DYNC2I1: variants seen among roughly 807,000 people sequenced by gnomAD.
DYNC2I1 encodes the protein cytoplasmic dynein 2 intermediate chain 1.
A neutral mutation model predicts 133.4 loss-of-function variants in DYNC2I1; 89 were observed. The ratio of observed to expected loss-of-function variants is 0.67; its 90% CI spans 0.56 to 0.80. The LOEUF (loss-of-function observed/expected upper bound fraction) is 0.80, where lower values mean the gene tolerates loss of function less well. Among genes scored for constraint, DYNC2I1 ranks in the 30% least tolerant of loss-of-function variants. The pLI, the probability that DYNC2I1 is intolerant of heterozygous loss-of-function variation, is 0.00. For missense variants in DYNC2I1, 1,291 were observed against 1,314.5 expected (o/e 0.98, Z 0.28); for synonymous variants, 504 against 484.3 (o/e 1.04, Z -0.54).
chr7:158,909,330 C>CAAAAAAAA (rs66565045), intron 11 of DYNC2I1, among the ~76,000 whole-genome samples: 2 of 46,740 alleles, frequency 4.3e-5, no homozygotes, highest in Non-Finnish European at 9.8e-5. Context: ...GACTCTGTCT[C>CAAAAAAAA]AAAAAAAAAA....
intron 4 of DYNC2I1, among the ~76,000 whole-genome samples, chr7:158,952,642 C>T (rs1852087120): frequency 6.6e-6 from 1 of 151,236 alleles, no homozygotes; most frequent in Non-Finnish European, 1.5e-5. Flanking sequence ...CCCCCAGCCG[C>T]ATCATAAGAC....
chr7:158,899,927 A>G (rs1330872835), intron 8 of DYNC2I1, among the ~76,000 whole-genome samples: 1 of 152,188 alleles, frequency 6.6e-6, no homozygotes, highest in East Asian at 1.9e-4. Context: ...GTTGCTTGCA[A>G]GACAGGTCTA....
intron 4 of DYNC2I1, among the ~76,000 whole-genome samples, chr7:158,951,355 T>A (rs1314135965): frequency 6.6e-6 from 1 of 152,192 alleles, no homozygotes; most frequent in Non-Finnish European, 1.5e-5. Context: ...TCCTGGCAGG[T>A]CCCTGGGCGA....
chr7:158,904,456 A>G (rs191007575), intron 10 of DYNC2I1: 2 of 152,334 alleles, frequency 1.3e-5, no homozygotes, highest in African/African-American at 4.8e-5. Context: ...AAGTTACACC[A>G]TGGCGTTTGA....
At chr7:158,922,286 T>G (rs1849177297) in intron 15 of DYNC2I1, 91 bp from the exon 16 acceptor site, 2 of 1,345,642 alleles carry the variant, frequency 1.5e-6, no homozygotes, top group African/African-American at 2.9e-5. Context: ...TTCATGAAGC[T>G]GAATTTTTTT....
chr7:158,945,647 G>A lies in DYNC2I1; in HGVS notation c.3069G>A (p.Leu1023=). The A allele has an allele frequency of 1.1e-5, 17 of 1,612,112 alleles. No homozygotes were observed. The highest frequency in any genetic ancestry group is 1.4e-5 in the Non-Finnish European group (17 of 1,179,242). The change falls in exon 25 of 25, where the codon CTG becomes CTA. Residue 1023 remains leucine (L), a synonymous_variant. Transcript: ENST00000407559. The surrounding 1 kb of genome is among the most constrained non-coding windows in gnomAD (Gnocchi z 4.1). ...KAGGSFLALV[L]ARASGSIDIQ... ...GTGGCAGCTTCCTGGCCCTGGTGCT[G>A]GCCAGGGCGTCTGGCTCCATCGACA...
intron 4 of DYNC2I1, among the ~76,000 whole-genome samples, chr7:158,876,895 T>C (rs752131616): frequency 9.2e-5 from 14 of 152,228 alleles, no homozygotes; most frequent in South Asian, 2.1e-4. Context: ...TATGTGATGA[T>C]ATTAGAAAAT....
At chr7:158,889,180 A>T (rs1048095889) in intron 7 of DYNC2I1, among the ~76,000 whole-genome samples, 2 of 148,874 alleles carry the variant, frequency 1.3e-5, no homozygotes, top group African/African-American at 2.5e-5. Context: ...TCCCGGGTTC[A>T]CGCCATTCTC....
chr7:158,915,880 CGCT>C (rs1563163354), intron 14 of DYNC2I1, among the ~76,000 whole-genome samples: 4 of 138,784 alleles, frequency 2.9e-5, no homozygotes, highest in African/African-American at 1.1e-4. Context: ...AACGTCGACA[CGCT>C]GGTTGAGATT....
intron 1 of DYNC2I1, 123 bp downstream of exon 1, chr7:158,856,873 C>T (rs911292546): frequency 2.7e-6 from 3 of 1,119,822 alleles, no homozygotes; most frequent in Non-Finnish European, 3.4e-6. Context: ...GCCGGGGCTT[C>T]CCGGAGGAGC....
intron 5 of DYNC2I1, among the ~76,000 whole-genome samples, chr7:158,883,382 A>AT (rs201088546): frequency 0.15 from 20,383 of 134,652 alleles, 1,651 homozygotes; most frequent in Middle Eastern, 0.24. Flanking sequence ...GCTTATTATT[A>AT]TTTTTTTTTT....
chr7:158,952,820 G>A (rs1852096137), intron 4 of DYNC2I1, among the ~76,000 whole-genome samples: 1 of 145,022 alleles, frequency 6.9e-6, no homozygotes, highest in Admixed American at 7.1e-5. Context: ...TGCACAGCGT[G>A]GGCTCAGCCT....
chr7:158,864,165 G>A (rs1296569230), intron 1 of DYNC2I1, among the ~76,000 whole-genome samples: 2 of 152,032 alleles, frequency 1.3e-5, no homozygotes, highest in African/African-American at 2.4e-5. Flanking sequence ...GGCGGGGAAT[G>A]AGACGTGACC....
At chr7:158,865,935 A>G (rs1257436368) in intron 1 of DYNC2I1, among the ~76,000 whole-genome samples, 2 of 152,160 alleles carry the variant, frequency 1.3e-5, no homozygotes, top group Non-Finnish European at 2.9e-5. Flanking sequence ...TAAACAGTCC[A>G]TATTAGCTGA....
At chr7:158,864,129 G>A (rs1282227500) in intron 1 of DYNC2I1, among the ~76,000 whole-genome samples, 1 of 146,484 alleles carries the variant, frequency 6.8e-6, no homozygotes, top group Non-Finnish European at 1.5e-5. Flanking sequence ...GTGGGGGGGG[G>A]AGCAGACGTT....
chr7:158,934,019 C>T (rs1850491737), intron 21 of DYNC2I1, 110 bp from the exon 22 acceptor site: 1 of 732,690 alleles, frequency 1.4e-6, no homozygotes, highest in African/African-American at 1.8e-5. Flanking sequence ...AGGAATGTGA[C>T]ATGGCCTGTT....
chr7:158,918,335 C>T (rs1585164273), intron 14 of DYNC2I1, among the ~76,000 whole-genome samples: 1 of 152,314 alleles, frequency 6.6e-6, no homozygotes, highest in Non-Finnish European at 1.5e-5. Flanking sequence ...CTAAGGATGA[C>T]CCTCCTGGAA....
upstream of DYNC2I1, among the ~76,000 whole-genome samples, chr7:158,856,018 T>TGCAA (rs1423947929): frequency 2.0e-5 from 3 of 148,360 alleles, no homozygotes. Context: ...CTCCGCTCAC[T>TGCAA]GCAAGCTCCG....
At chr7:158,854,664 G>T (rs567754653), upstream of DYNC2I1, among the ~76,000 whole-genome samples, 1 of 152,276 alleles carries the variant, frequency 6.6e-6, no homozygotes, top group South Asian at 2.1e-4. Flanking sequence ...AGAGAAGGGG[G>T]TTTGTTTTGG....
Sources: gnomAD v4.1 joint callset for allele counts (sites outside exome capture counted in the v4.1 genomes callset) on GRCh38, gnomAD v4.1.1 for gene constraint, Gnocchi (gnomAD v3.1) non-coding constraint, MANE v1.5 for transcripts, NCBI Gene and HGNC (gene_info 2026-07-23, HGNC 2026-07-21) for gene names.